The following CC2D2B variants were observed in gnomAD, a reference collection of about 807,000 sequenced individuals.
CC2D2B encodes the protein coiled-coil and C2 domain containing 2B.
In CC2D2B, 128 loss-of-function variants were observed where a neutral mutation model predicts 161.2. The ratio of observed to expected loss-of-function variants is 0.79; its 90% CI spans 0.69 to 0.92. CC2D2B has a LOEUF of 0.92. Ranked by LOEUF, CC2D2B falls within the 40% of genes least tolerant of loss-of-function variation. The pLI is 0.00. For synonymous variants in CC2D2B, 391 were observed against 449.8 expected (o/e 0.87, Z 1.65); for missense variants, 1,173 against 1,375.1 (o/e 0.85, Z 2.32).
rs2076774388 is a variant in CC2D2B at position 95,961,907 on chromosome 10, G to T, written c.1188G>T (p.Gln396His). ...LLHSILRTWK[Q>H]IKSLRHGQGF... ...ACAGTATATTACGAACTTGGAAACA[G>T]ATTAAATCTCTTCGACATGGGCAAG... The change falls in exon 12 of 35, where the codon CAG becomes CAT. Residue 396 changes from glutamine to histidine, a missense_variant. Around this residue, in one of 3 missense-constraint regions of CC2D2B, gnomAD observed 298 missense variants for 261.2 expected, o/e 1.14. Coordinates refer to ENST00000646931, the MANE Select transcript of CC2D2B (RefSeq NM_001349008.3). The T allele has an allele frequency of 2.4e-6, 3 of 1,231,420 alleles. No homozygotes were observed. Among genetic ancestry groups the T allele is most frequent in the Non-Finnish European group, 3.0e-6 (3 of 987,542 alleles). The allele number at this position is 1,231,420 out of a possible 1,614,324, so 76.3% of individuals were successfully genotyped here.
At chr10:95,909,732 T>C (rs535444901) in intron 1 of CC2D2B, among the ~76,000 whole-genome samples, 31 of 152,312 alleles carry the variant, frequency 2.0e-4, no homozygotes, top group African/African-American at 7.2e-4. Context: ...TTTATTTTGC[T>C]AGCACTCCTG....
chr10:95,963,496 G>C (rs902175211), intron 12 of CC2D2B, among the ~76,000 whole-genome samples: 1 of 152,148 alleles, frequency 6.6e-6, no homozygotes, highest in Non-Finnish European at 1.5e-5. Flanking sequence ...GGGCAGCTAC[G>C]TGCATGGTCT....
chr10:96,032,906 T>C lies in CC2D2B; in HGVS notation c.*898T>C. The C allele has an allele frequency of 2.6e-6, 1 of 390,328 alleles. No individual in the cohort carries two copies. The highest frequency in any genetic ancestry group is 5.2e-6 in the Non-Finnish European group (1 of 191,716). The allele number at this position is 390,328 out of a possible 1,614,324, so 24.2% of individuals were successfully genotyped here. On this transcript the variant is annotated 3_prime_UTR_variant, in exon 35 of 35. Coordinates refer to ENST00000646931, the MANE Select transcript of CC2D2B (RefSeq NM_001349008.3). ...TTTTGCTGCTTTTCTTTCTTAGTAG[T>C]GGCTTATCTAGATCCTAAGAGCCCC...
chr10:95,939,432 T>G (rs925370677), intron 9 of CC2D2B, among the ~76,000 whole-genome samples: 1 of 152,150 alleles, frequency 6.6e-6, no homozygotes, highest in African/African-American at 2.4e-5. Flanking sequence ...CTATTACTAA[T>G]AACACTACCA....
At chr10:95,953,813 A>G (rs1387196196) in intron 10 of CC2D2B, among the ~76,000 whole-genome samples, 1 of 152,130 alleles carries the variant, frequency 6.6e-6, no homozygotes, top group Non-Finnish European at 1.5e-5. Flanking sequence ...GGTTAGCTCT[A>G]CTTATGGAAG....
intron 10 of CC2D2B, among the ~76,000 whole-genome samples, chr10:95,952,791 A>T (rs1311089196): frequency 6.6e-6 from 1 of 152,122 alleles, no homozygotes; most frequent in African/African-American, 2.4e-5. Flanking sequence ...ATTCAATGGC[A>T]CTTAGGTCAT....
Position 95,984,870 on chromosome 10 carries a change from TA to T in CC2D2B, c.2286+1073del, listed in dbSNP as rs879841342. Among the ~76,000 whole-genome samples, 133 of 146,384 alleles carry T rather than the reference TA, an allele frequency of 9.1e-4. 1 individual carries two copies. Among genetic ancestry groups the T allele is most frequent in the East Asian group, 9.9e-4 (5 of 5,066 alleles). ...GGGTGACAGAGTGAGACCCTGTCTTTAAAAAAAAAAAATTACACACACACCC... is the reference window on the plus strand; with the variant it reads ...GGGTGACAGAGTGAGACCCTGTCTTTAAAAAAAAAAATTACACACACACCC... On this transcript the variant is annotated intron_variant, in intron 19 of 34. Transcript: ENST00000646931.
intron 28 of CC2D2B, 146 bp downstream of exon 28, chr10:96,012,875 T>C (rs777620221): frequency 9.8e-5 from 60 of 615,378 alleles, no homozygotes; most frequent in Non-Finnish European, 1.4e-4. Flanking sequence ...AAAGCTCCCT[T>C]AGCTGGACTC....
chr10:95,981,839 T>C, intron 17 of CC2D2B, 136 bp from the exon 18 acceptor site: 1 of 436,934 alleles, frequency 2.3e-6, no homozygotes, highest in Non-Finnish European at 3.8e-6. Context: ...ATTCTATCCA[T>C]AAATACAGAG....
At chr10:95,955,293 C>T (rs1418906366) in intron 10 of CC2D2B, 101 bp from the exon 11 acceptor site, 1 of 394,676 alleles carries the variant, frequency 2.5e-6, no homozygotes, top group Non-Finnish European at 4.5e-6. Flanking sequence ...CAAAGTTATA[C>T]ATTTGTTCGG....
intron 32 of CC2D2B, chr10:96,020,872 A>G (rs528917451): frequency 6.6e-6 from 1 of 152,222 alleles, no homozygotes; most frequent in African/African-American, 2.4e-5. Context: ...GTCTCTAAAA[A>G]TAAAAACAAA....
At position 96,030,991 on chromosome 10, in the gene CC2D2B, A is replaced by T. The variant is rs146642694; in HGVS notation, c.4126-829A>T. Among the ~76,000 whole-genome samples, 1,431 of 152,288 alleles carry T rather than the reference A, an allele frequency of 9.4e-3. 18 individuals carry two copies. The highest frequency in any genetic ancestry group is 0.028 in the African/African-American group (1,175 of 41,566). The stretch of plus-strand genomic sequence containing the variant: ...TCCATTAGAAAACAGGAATTTTTTT[A>T]AAAAAGTTATCATTTTATCATTGTC... On this transcript the variant is annotated intron_variant, in intron 34 of 34. Coordinates refer to ENST00000646931, the MANE Select transcript of CC2D2B (RefSeq NM_001349008.3).
chr10:96,008,180 T>TTG (rs1347190329), intron 25 of CC2D2B, among the ~76,000 whole-genome samples: 1 of 151,280 alleles, frequency 6.6e-6, no homozygotes, highest in Non-Finnish European at 1.5e-5. Context: ...TTTTTTTTTT[T>TTG]TTTTGGTTTT....
intron 10 of CC2D2B, among the ~76,000 whole-genome samples, chr10:95,953,802 T>A (rs904875489): frequency 1.3e-5 from 2 of 152,214 alleles, no homozygotes; most frequent in Non-Finnish European, 2.9e-5. Context: ...AGTTGACTTG[T>A]GGTTAGCTCT....
intron 10 of CC2D2B, among the ~76,000 whole-genome samples, chr10:95,953,280 G>A (rs1322859099): frequency 1.3e-5 from 2 of 151,932 alleles, no homozygotes; most frequent in African/African-American, 2.4e-5. Context: ...ATAACTCACT[G>A]CAGCCTCTAA....
At chr10:95,996,852 C>A (rs1272960422) in intron 24 of CC2D2B, among the ~76,000 whole-genome samples, 2 of 152,146 alleles carry the variant, frequency 1.3e-5, no homozygotes, top group Non-Finnish European at 2.9e-5. Flanking sequence ...GGAAGTGAGG[C>A]CTAATGGGAG....
At chr10:95,981,078 T>G (rs1043419890) in intron 17 of CC2D2B, among the ~76,000 whole-genome samples, 2 of 152,132 alleles carry the variant, frequency 1.3e-5, no homozygotes, top group Non-Finnish European at 2.9e-5. Context: ...CTAGCCTATC[T>G]TTTACAGCTT....
intron 14 of CC2D2B, 139 bp downstream of exon 14, chr10:95,966,441 T>C: frequency 2.8e-6 from 1 of 353,926 alleles, no homozygotes; most frequent in Non-Finnish European, 5.0e-6. Flanking sequence ...TCATATTTAA[T>C]TGTCACCATA....
intron 30 of CC2D2B, among the ~76,000 whole-genome samples, chr10:96,017,115 A>G (rs2079236718): frequency 6.6e-6 from 1 of 152,258 alleles, no homozygotes; most frequent in Admixed American, 6.5e-5. Flanking sequence ...GAAGTGAGCC[A>G]GGAATTAATG....
Sources: allele counts gnomAD v4.1 joint callset (sites outside exome capture counted in the v4.1 genomes callset), GRCh38; gene constraint gnomAD v4.1.1; regional missense constraint gnomAD v4.1.1; transcripts MANE v1.5; gene names NCBI Gene and HGNC (gene_info 2026-07-23, HGNC 2026-07-21).